Variants in CSMD1 observed in about 807,000 individuals in gnomAD.
CSMD1 encodes the protein CUB and Sushi multiple domains 1.
CSMD1 carries 213 observed loss-of-function variants against 417.5 expected under a neutral mutation model. The observed-to-expected ratio is 0.51, with a 90% CI of 0.46 to 0.57. The LOEUF (loss-of-function observed/expected upper bound fraction) is 0.57. Among genes scored for constraint, CSMD1 ranks in the 20% least tolerant of loss-of-function variants. The probability of loss-of-function intolerance (pLI) is 0.00; values close to 1 mark genes in which losing one functional copy is unlikely to be tolerated. For synonymous variants in CSMD1, 2,862 were observed against 1,736.8 expected, an observed-to-expected ratio of 1.65 and a Z score of -16.11; for missense variants, 6,923 against 4,529.7, an observed-to-expected ratio of 1.53 and a Z score of -15.17.
At chr8:3,307,885 C>G in intron 24 of CSMD1, 64 bp from the exon 25 acceptor site, 2 of 1,558,776 alleles carry the variant, frequency 1.3e-6, no homozygotes, top group Non-Finnish European at 1.7e-6. Context: ...TATTTAGCTA[C>G]TTTTCAAAAC....
chr8:4,380,189 C>T (rs912350977), intron 3 of CSMD1, among the ~76,000 whole-genome samples: 2 of 152,166 alleles, frequency 1.3e-5, no homozygotes, highest in Non-Finnish European at 2.9e-5. Flanking sequence ...GGAGGGCTCC[C>T]AGTTACTTCT....
intron 2 of CSMD1, among the ~76,000 whole-genome samples, chr8:4,498,324 G>C (rs1802079826): frequency 6.6e-6 from 1 of 151,934 alleles, no homozygotes; most frequent in South Asian, 2.1e-4. Context: ...TAACTATTTA[G>C]ACACACACAC....
chr8:4,252,898 C>G (rs994287625), intron 3 of CSMD1, among the ~76,000 whole-genome samples: 1 of 152,176 alleles, frequency 6.6e-6, no homozygotes, highest in African/African-American at 2.4e-5. Context: ...GTGCCTTGTT[C>G]ATGACCAACT....
chr8:4,164,312 C>T (rs761130204), intron 3 of CSMD1, among the ~76,000 whole-genome samples: 1 of 152,040 alleles, frequency 6.6e-6, no homozygotes, highest in African/African-American at 2.4e-5. Context: ...TAGAATCCAT[C>T]TACATTTAAA....
intron 2 of CSMD1, among the ~76,000 whole-genome samples, chr8:4,558,832 C>A (rs549017105): frequency 6.6e-6 from 1 of 152,188 alleles, no homozygotes; most frequent in Non-Finnish European, 1.5e-5. Flanking sequence ...CGTGCCACTG[C>A]ACTCCAGACT....
rs192507060 is a variant in CSMD1, at chr8:4,731,894, A to C, written c.86-94336T>G. ...ATTTTTATTCTAACTGTCTCTTCTA[A>C]TATTACATTCTTATAGGGCCAAAGA... is the stretch of plus-strand genomic sequence containing the variant. On this transcript the variant is annotated intron_variant, in intron 1 of 69. Coordinates refer to ENST00000635120, the MANE Select transcript of CSMD1 (RefSeq NM_033225.6). 2.7e-3 allele frequency among the ~76,000 whole-genome samples: 417 copies of C among 152,252 alleles called. 2 individuals carry two copies. The highest frequency in any genetic ancestry group is 9.8e-3 in the African/African-American group (406 of 41,536).
intron 8 of CSMD1, among the ~76,000 whole-genome samples, chr8:3,593,695 A>G (rs1289527658): frequency 6.6e-6 from 1 of 152,186 alleles, no homozygotes; most frequent in African/African-American, 2.4e-5. Flanking sequence ...TACAAATAAA[A>G]CTACATTTTA....
At chr8:4,907,091 G>T (rs963793928) in intron 1 of CSMD1, among the ~76,000 whole-genome samples, 5 of 152,198 alleles carry the variant, frequency 3.3e-5, no homozygotes, top group African/African-American at 4.8e-5. Context: ...TATGTAACAA[G>T]CCACAGTTAA....
At chr8:3,453,493 G>C (rs1028290828) in intron 12 of CSMD1, among the ~76,000 whole-genome samples, 2 of 152,250 alleles carry the variant, frequency 1.3e-5, no homozygotes, top group Middle Eastern at 3.4e-3. Flanking sequence ...ATGTGTCCCA[G>C]AGATTCTGGT....
intron 25 of CSMD1, among the ~76,000 whole-genome samples, chr8:3,304,169 G>A (rs1027696590): frequency 2.8e-4 from 43 of 152,144 alleles, no homozygotes; most frequent in African/African-American, 9.6e-4. Flanking sequence ...TAGTATAAAT[G>A]CATAGTAATG....
intron 1 of CSMD1, among the ~76,000 whole-genome samples, chr8:4,948,569 A>G (rs1264656588): frequency 6.6e-6 from 1 of 151,990 alleles, no homozygotes; most frequent in Non-Finnish European, 1.5e-5. Flanking sequence ...TATTCATAGT[A>G]CCTTTATGTT....
At chr8:3,299,801 A>C (rs1296557083) in intron 25 of CSMD1, among the ~76,000 whole-genome samples, 1 of 152,210 alleles carries the variant, frequency 6.6e-6, no homozygotes, top group African/African-American at 2.4e-5. Context: ...AAATGTTTGG[A>C]ATATTTTTTT....
intron 4 of CSMD1, among the ~76,000 whole-genome samples, chr8:4,012,525 C>G (rs1023736556): frequency 6.6e-6 from 1 of 152,022 alleles, no homozygotes; most frequent in African/African-American, 2.4e-5. Context: ...ATCCCTACAC[C>G]CAGGTAGTGA....
At chr8:4,656,795 G>A (rs1176464525) in intron 1 of CSMD1, among the ~76,000 whole-genome samples, 1 of 151,970 alleles carries the variant, frequency 6.6e-6, no homozygotes, top group Non-Finnish European at 1.5e-5. Context: ...ACCGTCCTGC[G>A]GGGATTCTCG....
chr8:3,459,012 C>T (rs989214711), intron 12 of CSMD1, among the ~76,000 whole-genome samples: 3 of 152,182 alleles, frequency 2.0e-5, no homozygotes, highest in African/African-American at 7.2e-5. Flanking sequence ...GGGTTGTTTC[C>T]TACCCGCAAG....
chr8:4,631,220 G>C (rs1320248736), intron 2 of CSMD1, among the ~76,000 whole-genome samples: 1 of 151,904 alleles, frequency 6.6e-6, no homozygotes, highest in African/African-American at 2.4e-5. Flanking sequence ...AAATTAGCCA[G>C]GAGTGGTGGC....
At chr8:3,281,262 A>G (rs563191710) in intron 26 of CSMD1, among the ~76,000 whole-genome samples, 85 of 152,102 alleles carry the variant, frequency 5.6e-4, no homozygotes, top group Non-Finnish European at 1.0e-3. Context: ...GGACAGGATA[A>G]TGAAACCCTG....
intron 3 of CSMD1, among the ~76,000 whole-genome samples, chr8:4,183,634 G>T (rs1291844837): frequency 6.6e-6 from 1 of 152,092 alleles, no homozygotes. Context: ...AAATTGATAA[G>T]CACAATTTTA....
chr8:4,272,781 A>G (rs35958640), intron 3 of CSMD1, among the ~76,000 whole-genome samples: 1 of 152,030 alleles, frequency 6.6e-6, no homozygotes. Flanking sequence ...GGAGGTTAGT[A>G]TGAGATGACC....
Sources: allele counts gnomAD v4.1 joint callset (sites outside exome capture counted in the v4.1 genomes callset), GRCh38; gene constraint gnomAD v4.1.1; transcripts MANE v1.5; gene names NCBI Gene and HGNC (gene_info 2026-07-23, HGNC 2026-07-21).